GPC6: variants seen among roughly 807,000 people sequenced by gnomAD.
GPC6 encodes the protein glypican-6.
Under a neutral mutation model 55.2 loss-of-function variants are expected in GPC6, and 14 were observed. The observed-to-expected ratio is 0.25, with a 90% confidence interval of 0.17 to 0.40. The LOEUF (loss-of-function observed/expected upper bound fraction) is 0.40. GPC6 is among the 10% of genes least tolerant of loss of function. The probability of loss-of-function intolerance (pLI) is 1.00; values close to 1 mark genes in which losing one functional copy is unlikely to be tolerated. For missense variants in GPC6, 641 were observed against 708.5 expected (o/e 0.90, Z 1.08); for synonymous variants, 278 against 259.6 (o/e 1.07, Z -0.68).
intron 1 of GPC6, among the ~76,000 whole-genome samples, chr13:93,282,362 A>G (rs1877981602): frequency 6.6e-6 from 1 of 152,048 alleles, no homozygotes; most frequent in Non-Finnish European, 1.5e-5. Flanking sequence ...AACTTGGGGA[A>G]AATTTTCATA....
intron 4 of GPC6, among the ~76,000 whole-genome samples, chr13:94,120,633 G>T (rs1311875278): frequency 6.6e-6 from 1 of 151,948 alleles, no homozygotes; most frequent in East Asian, 1.9e-4. Context: ...GTGAACCACA[G>T]AATTGATCGT....
At chr13:94,383,816 G>T in intron 7 of GPC6, among the ~76,000 whole-genome samples, 1 of 152,104 alleles carries the variant, frequency 6.6e-6, no homozygotes. Flanking sequence ...CCTATAGCTG[G>T]GGAGGCCTCA....
intron 1 of GPC6, among the ~76,000 whole-genome samples, chr13:93,240,380 C>T (rs1156684477): frequency 6.6e-6 from 1 of 151,978 alleles, no homozygotes; most frequent in East Asian, 1.9e-4. Context: ...TAATGACCTT[C>T]TATGTCTTTT....
At chr13:93,628,490 T>C (rs1422837000) in intron 2 of GPC6, among the ~76,000 whole-genome samples, 2 of 152,216 alleles carry the variant, frequency 1.3e-5, no homozygotes, top group Non-Finnish European at 2.9e-5. Flanking sequence ...CTTGTAGCTG[T>C]GTAAGTATTT....
intron 2 of GPC6, among the ~76,000 whole-genome samples, chr13:93,586,971 G>A (rs1877230106): frequency 1.3e-5 from 2 of 152,150 alleles, no homozygotes; most frequent in South Asian, 4.2e-4. Context: ...TATGTGATCA[G>A]CATTACATGG....
At chr13:93,551,000 T>C (rs1280632375) in intron 2 of GPC6, among the ~76,000 whole-genome samples, 1 of 152,056 alleles carries the variant, frequency 6.6e-6, no homozygotes, top group Non-Finnish European at 1.5e-5. Context: ...AAAGTAGAAG[T>C]CCATTGCAAA....
chr13:93,680,011 G>T (rs113862651), intron 2 of GPC6, among the ~76,000 whole-genome samples: 1 of 152,086 alleles, frequency 6.6e-6, no homozygotes, highest in East Asian at 1.9e-4. Flanking sequence ...TCAGTTTGTG[G>T]ATATGGAGAA....
At position 93,406,939 on chromosome 13, in the gene GPC6, A is replaced by G. The variant is rs146775028; in HGVS notation, c.161-138324A>G. Among the ~76,000 whole-genome samples the G allele has an allele frequency of 2.6e-5, 4 of 152,324 alleles. No homozygotes were observed. In the East Asian group the frequency reaches 7.7e-4, roughly 29 times the overall value. On this transcript the variant is annotated intron_variant, in intron 1 of 8. Transcript: ENST00000377047. ...TAAAGAAAACTAAAGGGACATAGCAACAAAATGTAATTTTTGATTTTATAT... is the reference window on the plus strand; with the variant it reads ...TAAAGAAAACTAAAGGGACATAGCAGCAAAATGTAATTTTTGATTTTATAT...
intron 3 of GPC6, among the ~76,000 whole-genome samples, chr13:93,968,791 G>A (rs1156467324): frequency 2.6e-5 from 4 of 151,942 alleles, no homozygotes; most frequent in Non-Finnish European, 5.9e-5. Context: ...ACATTTAATA[G>A]GAAATATATA....
chr13:93,666,670 ATG>A (rs1881149680), intron 2 of GPC6, among the ~76,000 whole-genome samples: 1 of 152,196 alleles, frequency 6.6e-6, no homozygotes, highest in Non-Finnish European at 1.5e-5. Context: ...TATTCTTTTA[ATG>A]TGTCTTTATT....
At chr13:93,344,227 G>A (rs1008450213) in intron 1 of GPC6, among the ~76,000 whole-genome samples, 7 of 152,134 alleles carry the variant, frequency 4.6e-5, no homozygotes, top group African/African-American at 1.2e-4. Context: ...AACTGGCCCC[G>A]CCTCTTTGTT....
chr13:93,265,444 A>G (rs1309493409), intron 1 of GPC6, among the ~76,000 whole-genome samples: 1 of 152,236 alleles, frequency 6.6e-6, no homozygotes, highest in Non-Finnish European at 1.5e-5. Context: ...CCGATGGCTC[A>G]GTATGCACAA....
At chr13:93,814,309 G>T (rs1886782988) in intron 2 of GPC6, among the ~76,000 whole-genome samples, 1 of 152,032 alleles carries the variant, frequency 6.6e-6, no homozygotes, top group Non-Finnish European at 1.5e-5. Context: ...GTTTTTAAAA[G>T]CATGTTTTAA....
intron 1 of GPC6, among the ~76,000 whole-genome samples, chr13:93,453,534 C>T (rs918989540): frequency 8.6e-5 from 8 of 92,888 alleles, no homozygotes; most frequent in African/African-American, 2.5e-4. Flanking sequence ...AAGAATGAAG[C>T]CGCGGACCCT....
At chr13:93,939,891 G>A (rs1013843414) in intron 3 of GPC6, among the ~76,000 whole-genome samples, 3 of 151,566 alleles carry the variant, frequency 2.0e-5, no homozygotes, top group Admixed American at 2.0e-4. Context: ...TTTCAGACAG[G>A]GAAACCAAGG....
intron 6 of GPC6, among the ~76,000 whole-genome samples, chr13:94,337,910 G>A (rs899225102): frequency 2.0e-5 from 3 of 152,122 alleles, no homozygotes; most frequent in African/African-American, 7.2e-5. Context: ...TGTGCCATCT[G>A]CCAAGTCCTC....
chr13:94,291,238 C>T (rs1343341265), intron 5 of GPC6, among the ~76,000 whole-genome samples: 1 of 151,782 alleles, frequency 6.6e-6, no homozygotes, highest in Non-Finnish European at 1.5e-5. Context: ...TAATATAGGG[C>T]ATGTAAGAGT....
At chr13:93,800,430 A>G (rs1886333414) in intron 2 of GPC6, among the ~76,000 whole-genome samples, 1 of 152,138 alleles carries the variant, frequency 6.6e-6, no homozygotes, top group Non-Finnish European at 1.5e-5. Flanking sequence ...TTTTGAGGAA[A>G]CAGCATCTCT....
At chr13:93,412,187 C>T (rs1876527298) in intron 1 of GPC6, among the ~76,000 whole-genome samples, 1 of 151,990 alleles carries the variant, frequency 6.6e-6, no homozygotes, top group Non-Finnish European at 1.5e-5. Context: ...AAATGGGTGA[C>T]TAGTGTTAGC....
Sources: allele counts gnomAD v4.1 joint callset (sites outside exome capture counted in the v4.1 genomes callset), GRCh38; gene constraint gnomAD v4.1.1; transcripts MANE v1.5; gene names NCBI Gene and HGNC (gene_info 2026-07-23, HGNC 2026-07-21).